BCAS3: variants seen among roughly 807,000 people sequenced by gnomAD.
BCAS3 encodes the protein BCAS4/BCAS3 fusion.
A neutral mutation model predicts 116.1 loss-of-function variants in BCAS3; 53 were observed. The ratio of observed to expected loss-of-function variants is 0.46; its 90% CI spans 0.37 to 0.57. The LOEUF is 0.57. BCAS3 is among the 20% of genes least tolerant of loss of function. BCAS3 has a pLI of 0.00. For synonymous variants in BCAS3, 391 were observed against 408.2 expected, an observed-to-expected ratio of 0.96 and a Z score of 0.51; for missense variants, 917 against 1,165.4, an observed-to-expected ratio of 0.79 and a Z score of 3.10.
At chr17:60,685,740 C>T (rs1333881361) in intron 3 of BCAS3, among the ~76,000 whole-genome samples, 1 of 152,072 alleles carries the variant, frequency 6.6e-6, no homozygotes, top group African/African-American at 2.4e-5. Context: ...GGTGTACAAT[C>T]GTAGTCGAAA....
At chr17:61,168,956 G>A (rs531018433) in intron 22 of BCAS3, among the ~76,000 whole-genome samples, 13 of 152,208 alleles carry the variant, frequency 8.5e-5, no homozygotes, top group African/African-American at 3.1e-4. Flanking sequence ...CACCTCTCAA[G>A]GTATAAGTGT....
At chr17:61,299,442 C>CAAAAAAAAAAAAA (rs538072648) in intron 22 of BCAS3, among the ~76,000 whole-genome samples, 52 of 57,092 alleles carry the variant, frequency 9.1e-4, no homozygotes, top group East Asian at 1.6e-3. Context: ...GACTCCATCT[C>CAAAAAAAAAAAAA]AAAAAAAAAA....
At chr17:61,236,615 C>T (rs959028803) in intron 22 of BCAS3, among the ~76,000 whole-genome samples, 6 of 152,146 alleles carry the variant, frequency 3.9e-5, no homozygotes, top group Admixed American at 1.3e-4. Flanking sequence ...CCACCGCATC[C>T]GGCCACTGTA....
At chr17:61,010,524 A>G (rs1402621615) in intron 15 of BCAS3, among the ~76,000 whole-genome samples, 1 of 151,992 alleles carries the variant, frequency 6.6e-6, no homozygotes, top group East Asian at 1.9e-4. Context: ...TTAGAAGATA[A>G]ACATAGAAAG....
At chr17:60,726,492 G>A (rs993306341) in intron 5 of BCAS3, among the ~76,000 whole-genome samples, 2 of 138,218 alleles carry the variant, frequency 1.4e-5, no homozygotes, top group African/African-American at 5.4e-5. Flanking sequence ...GAGCCACTGC[G>A]CCCAGCCAGA....
intron 6 of BCAS3, among the ~76,000 whole-genome samples, chr17:60,799,324 A>G (rs769242609): frequency 6.6e-6 from 1 of 152,084 alleles, no homozygotes; most frequent in Non-Finnish European, 1.5e-5. Context: ...GTGTGTACAT[A>G]ATTCCATGCC....
chr17:60,706,288 TC>T (rs925305105), intron 4 of BCAS3, among the ~76,000 whole-genome samples: 1 of 152,042 alleles, frequency 6.6e-6, no homozygotes, highest in Non-Finnish European at 1.5e-5. Context: ...GGTCTGGAAC[TC>T]CTGAACTCAG....
At chr17:61,179,099 A>C (rs2079320075) in intron 22 of BCAS3, among the ~76,000 whole-genome samples, 1 of 152,124 alleles carries the variant, frequency 6.6e-6, no homozygotes, top group Admixed American at 6.5e-5. Flanking sequence ...ATTAAAAAAA[A>C]ATACTCAATC....
At chr17:61,255,977 G>A (rs2048747823) in intron 22 of BCAS3, among the ~76,000 whole-genome samples, 1 of 152,132 alleles carries the variant, frequency 6.6e-6, no homozygotes, top group South Asian at 2.1e-4. Flanking sequence ...TGAAAATTGA[G>A]TCTCGTCAAA....
At chr17:60,721,714 A>G (rs912864199) in intron 5 of BCAS3, among the ~76,000 whole-genome samples, 2 of 152,188 alleles carry the variant, frequency 1.3e-5, no homozygotes, top group African/African-American at 2.4e-5. Context: ...TATTGAATAT[A>G]CATACAGTAA....
intron 22 of BCAS3, among the ~76,000 whole-genome samples, chr17:61,310,338 G>T (rs1568819203): frequency 6.6e-6 from 1 of 152,164 alleles, no homozygotes. Flanking sequence ...TGGATCACCT[G>T]AGGTCAGGAG....
chr17:60,839,361 C>T (rs1308856687), intron 7 of BCAS3, among the ~76,000 whole-genome samples: 1 of 152,028 alleles, frequency 6.6e-6, no homozygotes, highest in Non-Finnish European at 1.5e-5. Context: ...CTTATGTTGT[C>T]TGTTAGATCT....
In BCAS3 at chr17:61,391,077, G is replaced by T. The variant is rs1434141117; in HGVS notation, c.2594-900G>T. On this transcript the variant is annotated intron_variant, in intron 23 of 23. Coordinates refer to ENST00000407086, the MANE Select transcript of BCAS3 (RefSeq NM_017679.5). This position sits in a 1 kb window ranked among gnomAD's most constrained non-coding sequence, Gnocchi z 7.7. ...TTCTTCCTTGCACTCAGCAAGCAGG[G>T]AATTCCATTCCCAACCCACCTACCC... is the stretch of plus-strand genomic sequence containing the variant. 1 of 152,252 alleles carries T rather than the reference G, an allele frequency of 6.6e-6. No homozygotes were observed. The highest frequency in any genetic ancestry group is 1.9e-4 in the East Asian group (1 of 5,194). The allele number at this position is 152,252 out of a possible 1,614,324, so 9.4% of individuals were successfully genotyped here.
At chr17:60,946,450 CT>C (rs2060500474) in intron 13 of BCAS3, among the ~76,000 whole-genome samples, 1 of 152,106 alleles carries the variant, frequency 6.6e-6, no homozygotes, top group Non-Finnish European at 1.5e-5. Flanking sequence ...TAAGAACTTT[CT>C]CTGTAATAGA....
intron 11 of BCAS3, among the ~76,000 whole-genome samples, chr17:60,909,738 A>G (rs949334818): frequency 4.6e-5 from 7 of 152,186 alleles, no homozygotes; most frequent in African/African-American, 1.7e-4. Flanking sequence ...CTATTAATGC[A>G]TATGAAGATA....
At chr17:60,689,839 C>A in intron 4 of BCAS3, 78 bp downstream of exon 4, 2 of 979,754 alleles carry the variant, frequency 2.0e-6, no homozygotes, top group South Asian at 1.5e-5. Flanking sequence ...AGAGCCTCTA[C>A]TTTAGTCAGA....
At chr17:60,947,793 T>C (rs577159592) in intron 14 of BCAS3, among the ~76,000 whole-genome samples, 1 of 152,338 alleles carries the variant, frequency 6.6e-6, no homozygotes, top group South Asian at 2.1e-4. Context: ...TATGGATATA[T>C]GAATACAGTG....
In BCAS3 at chr17:60,961,763, A is replaced by G. The variant is rs1170822454; in HGVS notation, c.1221+14411A>G. On this transcript the variant is annotated intron_variant, in intron 14 of 23. Coordinates refer to ENST00000407086, the MANE Select transcript of BCAS3 (RefSeq NM_017679.5). The surrounding 1 kb of genome is among the most constrained non-coding windows in gnomAD (Gnocchi z 4.8). ...AACTGCCATTCTACTCTCTATCTTC[A>G]TGAGGCCCACTGCTTTTTTTTTTTC... 1.9e-4 allele frequency among the ~76,000 whole-genome samples: 29 copies of G among 150,138 alleles called. No individual in the cohort carries two copies. Among genetic ancestry groups the G allele is most frequent in the Admixed American group, 1.7e-3 (26 of 15,072 alleles).
At position 61,217,447 on chromosome 17, in the gene BCAS3, T is replaced by G. The variant is rs1240895038; in HGVS notation, c.2425+132883T>G. Among the ~76,000 whole-genome samples, 1 of 152,228 alleles carries G rather than the reference T, an allele frequency of 6.6e-6. No individual in the cohort carries two copies. The highest frequency in any genetic ancestry group is 2.4e-5 in the African/African-American group (1 of 41,468). Reference sequence around the variant, plus strand: ...TTGGAAGCATTTGGTAGGCATATAATGGCCCCACAATCGTTTTGGCTTAGT... The same window carrying G: ...TTGGAAGCATTTGGTAGGCATATAAGGGCCCCACAATCGTTTTGGCTTAGT... On this transcript the variant is annotated intron_variant, in intron 22 of 23. Transcript: ENST00000407086. The surrounding 1 kb of genome is among the most constrained non-coding windows in gnomAD (Gnocchi z 5.2).
Sources: allele counts gnomAD v4.1 joint callset (sites outside exome capture counted in the v4.1 genomes callset), GRCh38; gene constraint gnomAD v4.1.1; non-coding constraint Gnocchi (gnomAD v3.1); transcripts MANE v1.5; gene names NCBI Gene and HGNC (gene_info 2026-07-23, HGNC 2026-07-21).